The following ARHGAP21 variants were observed in gnomAD, a reference collection of about 807,000 sequenced individuals.
ARHGAP21 encodes the protein Rho GTPase activating protein 21, also known as rho GTPase-activating protein 21.
Under a neutral mutation model 164.6 loss-of-function variants are expected in ARHGAP21, and 38 were observed. That is an observed-to-expected ratio of 0.23 (90% CI 0.18 to 0.30). The LOEUF is 0.30. ARHGAP21 is among the 10% of genes least tolerant of loss of function. ARHGAP21 has a pLI of 1.00. For missense variants in ARHGAP21, 1,822 were observed against 2,370.7 expected (o/e 0.77, Z 4.81); for synonymous variants, 766 against 857.9 (o/e 0.89, Z 1.87).
chr10:24,722,544 T>A (rs1846032536), intron 1 of ARHGAP21: 1 of 154,094 alleles, frequency 6.5e-6, no homozygotes, highest in Non-Finnish European at 1.4e-5. Context: ...TTTTAATTCA[T>A]GTCTTTCCTG....
chr10:24,672,074 T>C, intron 2 of ARHGAP21, among the ~76,000 whole-genome samples: 1 of 151,892 alleles, frequency 6.6e-6, no homozygotes. Context: ...GCTACCACCT[T>C]GTTTGTCTGC....
chr10:24,611,959 A>C (rs1295543884), intron 9 of ARHGAP21, among the ~76,000 whole-genome samples: 2 of 152,202 alleles, frequency 1.3e-5, no homozygotes, highest in Non-Finnish European at 2.9e-5. Flanking sequence ...ATGTCTTCTC[A>C]TAACACCCAA....
chr10:24,640,856 A>G (rs1836935304), intron 4 of ARHGAP21, among the ~76,000 whole-genome samples: 1 of 152,164 alleles, frequency 6.6e-6, no homozygotes, highest in Non-Finnish European at 1.5e-5. Context: ...AAAAAACAAA[A>G]ATAAGGAGTA....
chr10:24,596,087 G>A (rs191526438), intron 17 of ARHGAP21, 44 bp from the exon 18 acceptor site: 410 of 1,490,724 alleles, frequency 2.8e-4, no homozygotes, highest in Non-Finnish European at 2.3e-4. Flanking sequence ...CAGCACAAAT[G>A]TTTAGTAGTT....
chr10:24,681,217 T>G (rs1471317216), intron 2 of ARHGAP21, among the ~76,000 whole-genome samples: 1 of 152,200 alleles, frequency 6.6e-6, no homozygotes, highest in Non-Finnish European at 1.5e-5. Flanking sequence ...AATGAAAGTT[T>G]CACAACTGCA....
chr10:24,652,767 A>G (rs1407819802), intron 4 of ARHGAP21, among the ~76,000 whole-genome samples: 1 of 152,198 alleles, frequency 6.6e-6, no homozygotes, highest in Non-Finnish European at 1.5e-5. Context: ...GACAACAGCA[A>G]GTGTCAGTGA....
At chr10:24,600,972 T>G (rs3748221) in intron 13 of ARHGAP21, 42 bp from the exon 14 acceptor site, 800,296 of 1,581,388 alleles carry the variant, frequency 0.51, 203,940 homozygotes, top group Non-Finnish European at 0.52. Context: ...AATATTTGGC[T>G]AAATCTTTGT....
chr10:24,655,743 G>A (rs370401077), intron 4 of ARHGAP21, among the ~76,000 whole-genome samples: 5 of 138,284 alleles, frequency 3.6e-5, no homozygotes, highest in East Asian at 2.2e-4. Flanking sequence ...GTCTCCGCCC[G>A]GCCGCCATCC....
intron 21 of ARHGAP21, 27 bp from the exon 22 acceptor site, chr10:24,592,039 T>C (rs763783858): frequency 6.6e-7 from 1 of 1,516,936 alleles, no homozygotes; most frequent in Non-Finnish European, 8.8e-7. Flanking sequence ...TACTGGGAAA[T>C]ACCAGAATTT....
chr10:24,590,077 C>T, intron 24 of ARHGAP21: 1 of 801,724 alleles, frequency 1.2e-6, no homozygotes, highest in Non-Finnish European at 1.6e-6. Flanking sequence ...CAGGATAATA[C>T]CAATTTTGAA....
intron 2 of ARHGAP21, among the ~76,000 whole-genome samples, chr10:24,681,550 T>G (rs1241941913): frequency 6.6e-6 from 1 of 152,206 alleles, no homozygotes; most frequent in Non-Finnish European, 1.5e-5. Context: ...CATTTTATAC[T>G]GTGTTCTCTT....
intron 4 of ARHGAP21, among the ~76,000 whole-genome samples, chr10:24,648,067 G>C (rs185349337): frequency 1.3e-5 from 2 of 152,280 alleles, no homozygotes; most frequent in East Asian, 3.9e-4. Flanking sequence ...CTCAACTCCT[G>C]ACCTCAGGTG....
At chr10:24,586,868 T>C (rs910494495) in intron 25 of ARHGAP21, among the ~76,000 whole-genome samples, 2 of 151,984 alleles carry the variant, frequency 1.3e-5, no homozygotes, top group African/African-American at 4.8e-5. Flanking sequence ...GGGAACATGG[T>C]GAAGGCCTGT....
intron 16 of ARHGAP21, among the ~76,000 whole-genome samples, chr10:24,597,090 C>CAAA (rs11385129): frequency 2.0e-5 from 3 of 147,756 alleles, no homozygotes; most frequent in Admixed American, 6.8e-5. Flanking sequence ...TTTAAAACAG[C>CAAA]AAAAAAAAAA....
chr10:24,602,036 C>T lies in ARHGAP21; in HGVS notation c.2789G>A (p.Ser930Asn), dbSNP rs1305721090. Residue 930 changes from serine to asparagine, a missense_variant, in exon 13 of 26, where the codon AGT becomes AAT. Ser to Asn is a conservative substitution (Grantham distance 46). Around this residue, in one of 5 missense-constraint regions of ARHGAP21, gnomAD observed 1,090 missense variants for 1,378.9 expected, o/e 0.79. Transcript: ENST00000396432. ...AAGCCACCCTTCCTTGGCAGCATCA[C>T]TGAAGACCTCTGAGGAAGAATCTTT... Reference protein sequence around the residue: ...SRKDSSSEVFSDAAKEGWLHF... With the variant: ...SRKDSSSEVFNDAAKEGWLHF... 6.2e-7 allele frequency: 1 copy of T among 1,612,680 alleles called. No individual in the cohort carries two copies. Among genetic ancestry groups the T allele is most frequent in the Non-Finnish European group, 8.5e-7 (1 of 1,179,938 alleles).
intron 4 of ARHGAP21, among the ~76,000 whole-genome samples, chr10:24,653,662 T>C (rs897031226): frequency 6.6e-6 from 1 of 152,200 alleles, no homozygotes; most frequent in African/African-American, 2.4e-5. Context: ...TCAAGCAATC[T>C]TTCTGTCCTC....
At chr10:24,668,676 A>G (rs902573458) in intron 3 of ARHGAP21, among the ~76,000 whole-genome samples, 5 of 151,944 alleles carry the variant, frequency 3.3e-5, no homozygotes, top group Non-Finnish European at 7.4e-5. Context: ...GAAATATGCC[A>G]AGTAAACTCT....
intron 2 of ARHGAP21, among the ~76,000 whole-genome samples, chr10:24,710,920 C>G (rs975157226): frequency 1.3e-5 from 2 of 151,764 alleles, no homozygotes; most frequent in African/African-American, 4.8e-5. Flanking sequence ...ATGGCGAAAC[C>G]CCATCTCTAT....
At chr10:24,644,890 CCT>C (rs1837407777) in intron 4 of ARHGAP21, among the ~76,000 whole-genome samples, 1 of 152,206 alleles carries the variant, frequency 6.6e-6, no homozygotes, top group South Asian at 2.1e-4. Context: ...CAACCCCTAA[CCT>C]CTTTCTTGAG....
Sources: gnomAD v4.1 joint callset for allele counts (sites outside exome capture counted in the v4.1 genomes callset) on GRCh38, gnomAD v4.1.1 for gene constraint, gnomAD v4.1.1 regional missense constraint, MANE v1.5 for transcripts, NCBI Gene and HGNC (gene_info 2026-07-23, HGNC 2026-07-21) for gene names.